WWOX: variants seen among roughly 807,000 people sequenced by gnomAD.
WWOX encodes WW domain-containing oxidoreductase.
In WWOX, 69 loss-of-function variants were observed where a neutral mutation model predicts 46.2. The observed-to-expected ratio is 1.49, with a 90% confidence interval of 1.23 to 1.82. The LOEUF (loss-of-function observed/expected upper bound fraction) is 1.82. Ranked by LOEUF, WWOX falls within the 40% of genes most tolerant of loss-of-function variation. WWOX has a pLI of 0.00. For synonymous variants in WWOX, 359 were observed against 202.6 expected (o/e 1.77, Z -6.56); for missense variants, 919 against 542.6 (o/e 1.69, Z -6.89).
intron 8 of WWOX, among the ~76,000 whole-genome samples, chr16:79,174,538 A>T (rs1235626519): frequency 6.6e-6 from 1 of 152,136 alleles, no homozygotes; most frequent in African/African-American, 2.4e-5. Flanking sequence ...AATCCCAGCT[A>T]CTCTGGGCCT....
chr16:78,904,408 T>G (rs922240102), intron 8 of WWOX, among the ~76,000 whole-genome samples: 30 of 151,824 alleles, frequency 2.0e-4, no homozygotes, highest in African/African-American at 6.8e-4. Flanking sequence ...CCAGCTAATT[T>G]TTGTATTTTT....
intron 8 of WWOX, among the ~76,000 whole-genome samples, chr16:78,595,526 C>T (rs1391056891): frequency 6.6e-6 from 1 of 152,202 alleles, no homozygotes; most frequent in East Asian, 1.9e-4. Context: ...CCACATCTCT[C>T]AATGGTGAGG....
At chr16:79,008,135 G>A (rs781130494) in intron 8 of WWOX, among the ~76,000 whole-genome samples, 6 of 152,132 alleles carry the variant, frequency 3.9e-5, no homozygotes, top group African/African-American at 7.2e-5. Flanking sequence ...GTAACTGTAG[G>A]ACTGAGGTGC....
chr16:78,349,306 C>T (rs8057821), intron 5 of WWOX, among the ~76,000 whole-genome samples: 59,959 of 118,836 alleles, frequency 0.5, 23,478 homozygotes, highest in African/African-American at 0.65. Flanking sequence ...CTTTATAGGC[C>T]GTACCTCCAA....
chr16:78,811,334 A>G (rs1388868847), intron 8 of WWOX, among the ~76,000 whole-genome samples: 1 of 152,146 alleles, frequency 6.6e-6, no homozygotes, highest in Admixed American at 6.5e-5. Context: ...ACTTCGGGGA[A>G]TTATATCTAC....
rs200030802 is a variant in WWOX, at chr16:79,025,116, CTTGTT to C, written c.1057-186468_1057-186464del. 1.0e-3 allele frequency among the ~76,000 whole-genome samples: 99 copies of C among 96,720 alleles called. 2 individuals are homozygous for C. The highest frequency in any genetic ancestry group is 3.0e-3 in the African/African-American group (83 of 27,732). 63.5% of individuals were successfully genotyped at this position (96,720 alleles called of 152,430 possible). Reference sequence around the variant, plus strand: ...AGCAGTGAAGAGTCAGGAAGGTGGGCTTGTTTTGTTTTGTTTTGTTTTGTTTTGCT... The same window carrying C: ...AGCAGTGAAGAGTCAGGAAGGTGGGCTTGTTTTGTTTTGTTTTGTTTTGCT... On this transcript the variant is annotated intron_variant, in intron 8 of 8. Coordinates refer to ENST00000566780, the MANE Select transcript of WWOX (RefSeq NM_016373.4).
intron 8 of WWOX, among the ~76,000 whole-genome samples, chr16:78,446,747 G>A (rs1178303111): frequency 3.0e-5 from 4 of 133,116 alleles, no homozygotes; most frequent in African/African-American, 5.8e-5. Context: ...TGCAGCCTCC[G>A]CCTCCCAAGT....
intron 8 of WWOX, among the ~76,000 whole-genome samples, chr16:78,715,464 C>T (rs1384198761): frequency 6.6e-6 from 1 of 150,502 alleles, no homozygotes; most frequent in Non-Finnish European, 1.5e-5. Flanking sequence ...CTCCACCCCA[C>T]CCCCACCCCT....
intron 8 of WWOX, among the ~76,000 whole-genome samples, chr16:78,509,351 C>T (rs956495571): frequency 2.2e-4 from 33 of 151,864 alleles, no homozygotes; most frequent in African/African-American, 6.8e-4. Flanking sequence ...GAGGCAGGAA[C>T]TCGCTTGAAC....
At chr16:78,725,098 C>T (rs769727604) in intron 8 of WWOX, among the ~76,000 whole-genome samples, 2 of 151,994 alleles carry the variant, frequency 1.3e-5, no homozygotes, top group Non-Finnish European at 2.9e-5. Flanking sequence ...GTGGTTCCCC[C>T]ATACTGTTCT....
At chr16:78,698,565 C>T (rs962557183) in intron 8 of WWOX, among the ~76,000 whole-genome samples, 1 of 152,120 alleles carries the variant, frequency 6.6e-6, no homozygotes, top group Admixed American at 6.6e-5. Flanking sequence ...AATTTAGGTA[C>T]AGACCTTAAA....
chr16:78,991,524 C>T (rs2046886123), intron 8 of WWOX, among the ~76,000 whole-genome samples: 1 of 140,802 alleles, frequency 7.1e-6, no homozygotes, highest in South Asian at 2.3e-4. Context: ...TGGCTTGAGC[C>T]TGGGAATTTG....
At chr16:78,193,789 A>G (rs1475142360) in intron 5 of WWOX, among the ~76,000 whole-genome samples, 2 of 151,696 alleles carry the variant, frequency 1.3e-5, no homozygotes, top group Admixed American at 6.6e-5. Context: ...GAGTGAAGAC[A>G]TATCCTTTTG....
chr16:78,332,295 T>C (rs1216227119), intron 5 of WWOX, among the ~76,000 whole-genome samples: 1 of 152,176 alleles, frequency 6.6e-6, no homozygotes, highest in Non-Finnish European at 1.5e-5. Context: ...ATTTCTAAAA[T>C]CCTTCCCAGA....
At chr16:78,869,992 G>C (rs1337735459) in intron 8 of WWOX, among the ~76,000 whole-genome samples, 3 of 152,200 alleles carry the variant, frequency 2.0e-5, no homozygotes, top group African/African-American at 4.8e-5. Context: ...GAATGACACA[G>C]ATCAAAGTCT....
At chr16:78,602,536 C>G (rs1315890311) in intron 8 of WWOX, among the ~76,000 whole-genome samples, 1 of 152,078 alleles carries the variant, frequency 6.6e-6, no homozygotes, top group Non-Finnish European at 1.5e-5. Context: ...CCGGCCTCTT[C>G]TCGATAGATC....
intron 8 of WWOX, among the ~76,000 whole-genome samples, chr16:79,036,433 T>C (rs1034171302): frequency 6.6e-6 from 1 of 152,238 alleles, no homozygotes; most frequent in African/African-American, 2.4e-5. Flanking sequence ...TCCATATAAG[T>C]ATCTGCATTT....
intron 8 of WWOX, among the ~76,000 whole-genome samples, chr16:78,563,727 G>T (rs1033383598): frequency 7.2e-5 from 11 of 151,976 alleles, no homozygotes; most frequent in Admixed American, 1.3e-4. Flanking sequence ...TTGTGTCCTG[G>T]TTGGCAGATA....
chr16:79,209,971 T>C (rs1242503522), intron 8 of WWOX, among the ~76,000 whole-genome samples: 1 of 152,192 alleles, frequency 6.6e-6, no homozygotes, highest in Admixed American at 6.5e-5. Context: ...TATCTGGCTA[T>C]TTGGAGTGGG....
Sources: gnomAD v4.1 joint callset for allele counts (sites outside exome capture counted in the v4.1 genomes callset) on GRCh38, gnomAD v4.1.1 for gene constraint, MANE v1.5 for transcripts, NCBI Gene and HGNC (gene_info 2026-07-23, HGNC 2026-07-21) for gene names.